MYO7A: variants seen among roughly 807,000 people sequenced by gnomAD.
The protein encoded by MYO7A is myosin VIIA, also known as unconventional myosin-VIIa.
Under a neutral mutation model 263.8 loss-of-function variants are expected in MYO7A, and 210 were observed. The observed-to-expected ratio is 0.80, with a 90% CI of 0.71 to 0.89. The LOEUF (loss-of-function observed/expected upper bound fraction) is 0.89, where lower values mean the gene tolerates loss of function less well. MYO7A is among the 40% of genes least tolerant of loss of function. The pLI is 0.00. For missense variants in MYO7A, 2,820 were observed against 2,968.3 expected, an observed-to-expected ratio of 0.95 and a Z score of 1.16; for synonymous variants, 1,239 against 1,197.3, an observed-to-expected ratio of 1.03 and a Z score of -0.72.
rs45629132 is a variant in MYO7A, at chr11:77,159,450, G to A, written c.1007G>A (p.Arg336His). ...CTGTGCCCCTTGCTGCCAACAGCACGCACATTTGAAAACCTGGATGCCTGT... is the reference window on the plus strand; with the variant it reads ...CTGTGCCCCTTGCTGCCAACAGCACACACATTTGAAAACCTGGATGCCTGT... The part of the protein sequence containing the change: ...LHLGNLQYEA[R>H]TFENLDACEV... The change falls in exon 10 of 49, where the codon CGC (arginine) becomes CAC (histidine). Residue 336 changes from arginine (R) to histidine (H), a missense_variant. Coordinates refer to ENST00000409709, the MANE Select transcript of MYO7A (RefSeq NM_000260.4). 2.3e-3 allele frequency: 3,032 copies of A among 1,334,368 alleles called. 4 individuals are homozygous for A. Among genetic ancestry groups the A allele is most frequent in the Non-Finnish European group, 2.9e-3 (2,854 of 996,858 alleles). 82.7% of individuals were successfully genotyped at this position (1,334,368 alleles called of 1,614,324 possible).
chr11:77,157,797 C>T (rs1267949015), intron 8 of MYO7A, among the ~76,000 whole-genome samples: 7 of 152,188 alleles, frequency 4.6e-5, no homozygotes, highest in South Asian at 4.1e-4. Context: ...CTGGCACACA[C>T]GTGCACACAC....
chr11:77,149,239 C>CG (rs78902526), intron 4 of MYO7A, among the ~76,000 whole-genome samples: 17 of 152,062 alleles, frequency 1.1e-4, no homozygotes, highest in African/African-American at 4.1e-4. Context: ...GAGGGACCCC[C>CG]CTGATGCAGG....
chr11:77,184,112 A>G (rs1955473078), intron 26 of MYO7A, among the ~76,000 whole-genome samples: 1 of 152,058 alleles, frequency 6.6e-6, no homozygotes, highest in Non-Finnish European at 1.5e-5. Context: ...GAGGAGAAAC[A>G]TCTCATAAGA....
At position 77,194,396 on chromosome 11, in the gene MYO7A, G is replaced by C. The variant is rs373080197; in HGVS notation, c.4195G>C (p.Asp1399His). Residue 1399 changes from aspartate (D) to histidine (H), a missense_variant, in exon 32 of 49, where the codon GAC becomes CAC. Asp to His is a moderately conservative substitution (Grantham distance 81). Coordinates refer to ENST00000409709, the MANE Select transcript of MYO7A (RefSeq NM_000260.4). ...GCTGGCCTCCCAGCAGTACTTTGTA[G>C]ACTATGGCTCTGAGATGATCCTGGA... The part of the protein sequence containing the change: ...AELASQQYFV[D>H]YGSEMILERL... 140 of 1,612,776 alleles carry C rather than the reference G, an allele frequency of 8.7e-5. No individual in the cohort carries two copies. The highest frequency in any genetic ancestry group is 1.1e-4 in the Non-Finnish European group (126 of 1,179,454).
intron 4 of MYO7A, among the ~76,000 whole-genome samples, chr11:77,149,240 C>CA (rs1951803356): frequency 6.6e-6 from 1 of 152,040 alleles, no homozygotes; most frequent in African/African-American, 2.4e-5. Context: ...AGGGACCCCC[C>CA]TGATGCAGGG....
intron 11 of MYO7A, among the ~76,000 whole-genome samples, chr11:77,160,700 C>T (rs1952912343): frequency 6.6e-6 from 1 of 152,082 alleles, no homozygotes; most frequent in African/African-American, 2.4e-5. Flanking sequence ...AGATGAGAGC[C>T]CCAAGGAGGG....
intron 3 of MYO7A, among the ~76,000 whole-genome samples, chr11:77,145,136 G>A (rs536285998): frequency 5.9e-5 from 9 of 152,282 alleles, no homozygotes; most frequent in South Asian, 4.1e-4. Context: ...AGTCCGGCTC[G>A]TCACTGTTAA....
chr11:77,211,366 TG>T (rs773479111), intron 45 of MYO7A, 29 bp downstream of exon 45: 1 of 1,557,458 alleles, frequency 6.4e-7, no homozygotes, highest in Non-Finnish European at 8.7e-7. Flanking sequence ...TCGGGAATGG[TG>T]GGGCCCTGAA....
chr11:77,176,786 C>T (rs1954685515), intron 18 of MYO7A, among the ~76,000 whole-genome samples: 1 of 152,186 alleles, frequency 6.6e-6, no homozygotes, highest in South Asian at 2.1e-4. Context: ...GAGACTCTAC[C>T]CTCCCCAAGG....
At chr11:77,153,796 C>T (rs1952195933) in intron 4 of MYO7A, among the ~76,000 whole-genome samples, 1 of 152,184 alleles carries the variant, frequency 6.6e-6, no homozygotes, top group African/African-American at 2.4e-5. Flanking sequence ...CTGGCTCTCC[C>T]TCCCCTACAC....
rs1461201353 is a variant in MYO7A at position 77,175,434 on chromosome 11, G to A, written c.2157G>A (p.Trp719Ter). The A allele has an allele frequency of 1.2e-6, 2 of 1,613,248 alleles. No individual in the cohort carries two copies. The highest frequency in any genetic ancestry group is 2.7e-5 in the African/African-American group (2 of 74,940). ...AEAVLGTHDD[W>*]QIGKTKIFLK... ...CTGTGCTGGGCACCCACGATGACTG[G>A]CAGATAGGCAAAACCAAGATCTTTC... Residue 719 changes from tryptophan to a stop codon, truncating the protein, a stop_gained, in exon 18 of 49, where the codon TGG (tryptophan) becomes TGA (stop). Coordinates refer to ENST00000409709, the MANE Select transcript of MYO7A (RefSeq NM_000260.4). LOFTEE classifies it high-confidence loss of function.
chr11:77,207,702 G>C (rs1218156738), intron 42 of MYO7A, among the ~76,000 whole-genome samples: 1 of 152,182 alleles, frequency 6.6e-6, no homozygotes, highest in African/African-American at 2.4e-5. Context: ...TATTTGCTTT[G>C]ACTGGCCCTT....
chr11:77,198,825 C>G (rs770528172), intron 34 of MYO7A, among the ~76,000 whole-genome samples: 5 of 152,204 alleles, frequency 3.3e-5, no homozygotes, highest in Non-Finnish European at 7.3e-5. Flanking sequence ...TAAGGCTGTT[C>G]TGAGACAGGA....
At chr11:77,160,633 C>T (rs1565353104) in intron 11 of MYO7A, among the ~76,000 whole-genome samples, 1 of 152,132 alleles carries the variant, frequency 6.6e-6, no homozygotes, top group Non-Finnish European at 1.5e-5. Flanking sequence ...CTTCACCCAC[C>T]ACACCAGGCC....
At position 77,211,806 on chromosome 11, in the gene MYO7A, G is replaced by C; in HGVS notation, c.6238-15G>C. On this transcript the variant is annotated splice_polypyrimidine_tract_variant and intron_variant, in intron 45 of 48. Transcript: ENST00000409709. ...CCCAGGACTGAGCCCAGCCCTGACCGCCCTGTCCCCATAGTCCATCGTCGC... is the reference window on the plus strand; with the variant it reads ...CCCAGGACTGAGCCCAGCCCTGACCCCCCTGTCCCCATAGTCCATCGTCGC... The C allele has an allele frequency of 1.2e-6, 2 of 1,608,100 alleles. No individual in the cohort carries two copies. The highest frequency in any genetic ancestry group is 2.2e-5 in the South Asian group (2 of 90,922).
At position 77,195,966 on chromosome 11, in the gene MYO7A, G is replaced by A. The variant is rs79676554; in HGVS notation, c.4323+1442G>A. 2.6e-5 allele frequency among the ~76,000 whole-genome samples: 4 copies of A among 152,252 alleles called. No individual in the cohort carries two copies. The East Asian group carries it at 7.7e-4, about 29-fold the overall frequency. ...TGTCTTCTCCATCTGTCACCACACA[G>A]TGATGTGTGCACATGCACGTCTGAG... On this transcript the variant is annotated intron_variant, in intron 32 of 48. Coordinates refer to ENST00000409709, the MANE Select transcript of MYO7A (RefSeq NM_000260.4).
chr11:77,179,536 A>G (rs1170691187), intron 20 of MYO7A, among the ~76,000 whole-genome samples, 199 bp from the exon 21 acceptor site: 1 of 152,206 alleles, frequency 6.6e-6, no homozygotes, highest in Non-Finnish European at 1.5e-5. Flanking sequence ...AGGGAGAGTC[A>G]AGGTCACCTA....
chr11:77,199,818 G>A lies in MYO7A; in HGVS notation c.4852G>A (p.Ala1618Thr), dbSNP rs772542296. The change falls in exon 35 of 49, where the codon GCA becomes ACA. Residue 1618 changes from alanine to threonine, a missense_variant and splice_region_variant. Coordinates refer to ENST00000409709, the MANE Select transcript of MYO7A (RefSeq NM_000260.4). ...GGCCCTGCAGGATAACCCCAACCCC[G>A]GTGAGTGGCTGCTGGTATGGACTGC... ...VVALQDNPNP[A>T]GEESGFLSFA... 29 of 1,582,492 alleles carry A rather than the reference G, an allele frequency of 1.8e-5. No individual in the cohort carries two copies. The East Asian group carries it at 2.5e-4, about 14-fold the overall frequency.
intron 12 of MYO7A, 132 bp downstream of exon 12, chr11:77,161,247 G>A (rs1555068640): frequency 3.5e-6 from 4 of 1,151,354 alleles, no homozygotes; most frequent in African/African-American, 3.1e-5. Flanking sequence ...TCATCACGGT[G>A]GACCCTCTCC....
Sources: allele counts gnomAD v4.1 joint callset (sites outside exome capture counted in the v4.1 genomes callset), GRCh38; gene constraint gnomAD v4.1.1; transcripts MANE v1.5; gene names NCBI Gene and HGNC (gene_info 2026-07-23, HGNC 2026-07-21).